Variants in PLAAT3 observed in about 807,000 individuals in gnomAD.
PLAAT3 encodes the protein Ca-independent phospholipase A1/2.
In PLAAT3, 21 loss-of-function variants were observed where a neutral mutation model predicts 16.7. That is an observed-to-expected ratio of 1.26 (90% CI 0.89 to 1.81). The LOEUF (loss-of-function observed/expected upper bound fraction) is 1.81, where lower values mean the gene tolerates loss of function less well. Ranked by LOEUF, PLAAT3 falls within the 40% of genes most tolerant of loss-of-function variation. The pLI, the probability that PLAAT3 is intolerant of heterozygous loss-of-function variation, is 0.00. For missense variants in PLAAT3, 219 were observed against 213.7 expected, an observed-to-expected ratio of 1.02 and a Z score of -0.16; for synonymous variants, 76 against 81.7, an observed-to-expected ratio of 0.93 and a Z score of 0.38.
chr11:63,615,891 C>T (rs1168914501), upstream of PLAAT3, among the ~76,000 whole-genome samples: 1 of 151,622 alleles, frequency 6.6e-6, no homozygotes, highest in Admixed American at 6.6e-5. Flanking sequence ...TGGTCACGAA[C>T]TCCTGGCCCC....
At position 63,601,713 on chromosome 11, in the gene PLAAT3, C is replaced by T. The variant is rs145135092; in HGVS notation, c.16-3550G>A. Among the ~76,000 whole-genome samples the T allele has an allele frequency of 9.3e-3, 1,413 of 152,262 alleles. 26 individuals carry two copies. The highest frequency in any genetic ancestry group is 0.032 in the African/African-American group (1,339 of 41,562). On this transcript the variant is annotated intron_variant, in intron 2 of 4. Coordinates refer to ENST00000415826, the MANE Select transcript of PLAAT3 (RefSeq NM_001128203.2). ...ATACATGGCCGGATGCAGTGGCTCA[C>T]GCCTGTAATCCCAACACTTTGGGAG...
chr11:63,588,081 T>A (rs1043854074), intron 4 of PLAAT3, among the ~76,000 whole-genome samples: 7 of 151,812 alleles, frequency 4.6e-5, no homozygotes, highest in African/African-American at 1.7e-4. Flanking sequence ...TAAAAAAAAT[T>A]TTTTTTGAGA....
chr11:63,612,201 G>A (rs929353034), intron 2 of PLAAT3, among the ~76,000 whole-genome samples: 1 of 152,052 alleles, frequency 6.6e-6, no homozygotes, highest in African/African-American at 2.4e-5. Flanking sequence ...TTTTAGAGAT[G>A]GGGTCTTGCT....
chr11:63,613,862 C>T, intron 2 of PLAAT3, 138 bp downstream of exon 2: 1 of 652,160 alleles, frequency 1.5e-6, no homozygotes, highest in Non-Finnish European at 2.7e-6. Context: ...GACACCGATG[C>T]CTCGCAGCTG....
At chr11:63,597,122 C>T (rs1938306852) in intron 3 of PLAAT3, among the ~76,000 whole-genome samples, 1 of 151,972 alleles carries the variant, frequency 6.6e-6, no homozygotes, top group East Asian at 1.9e-4. Flanking sequence ...TGGCACTCCC[C>T]CGCCTCCTGC....
chr11:63,576,187 C>T lies in PLAAT3; in HGVS notation c.388-1141G>A, dbSNP rs2017657154. 2.0e-5 allele frequency among the ~76,000 whole-genome samples: 3 copies of T among 152,278 alleles called. No homozygotes were observed. The South Asian group carries it at 6.2e-4, about 32-fold the overall frequency. ...CCAATACTGGGAATTCCCAAACAGC[C>T]CACCCAGATCATCCTGCAGTGCAAC... On this transcript the variant is annotated intron_variant, in intron 4 of 4. Transcript: ENST00000415826.
intron 2 of PLAAT3, among the ~76,000 whole-genome samples, chr11:63,613,581 G>T (rs1420259691): frequency 6.6e-6 from 1 of 152,226 alleles, no homozygotes; most frequent in African/African-American, 2.4e-5. Flanking sequence ...AGGCGGAAGG[G>T]GGGCAGTCGC....
intron 2 of PLAAT3, among the ~76,000 whole-genome samples, chr11:63,600,902 C>G (rs540965033): frequency 0.01 from 1,532 of 152,176 alleles, 12 homozygotes; most frequent in Non-Finnish European, 0.015. Flanking sequence ...CCACGCCCGG[C>G]CTACTCTTCT....
chr11:63,591,985 C>T (rs534788869), intron 3 of PLAAT3, among the ~76,000 whole-genome samples: 2 of 152,232 alleles, frequency 1.3e-5, no homozygotes, highest in South Asian at 2.1e-4. Flanking sequence ...TATCTAGATG[C>T]CACCCAGGAC....
At chr11:63,595,486 A>G (rs1156637514) in intron 3 of PLAAT3, among the ~76,000 whole-genome samples, 1 of 152,142 alleles carries the variant, frequency 6.6e-6, no homozygotes, top group African/African-American at 2.4e-5. Context: ...TGTTGGCTAA[A>G]AGAAGCCAGA....
chr11:63,574,739 G>A lies in PLAAT3; in HGVS notation c.*206C>T, dbSNP rs1363450117. On this transcript the variant is annotated 3_prime_UTR_variant, in exon 5 of 5. Coordinates refer to ENST00000415826, the MANE Select transcript of PLAAT3 (RefSeq NM_001128203.2). ...CAATCCCTGACCAGGAAGACAGCCC[G>A]GCTGTTCCCTGAACAGACTTCACAC... 2 of 552,672 alleles carry A rather than the reference G, an allele frequency of 3.6e-6. No homozygotes were observed. The highest frequency in any genetic ancestry group is 3.3e-5 in the Admixed American group (1 of 30,228). 34.2% of individuals were successfully genotyped at this position (552,672 alleles called of 1,614,324 possible).
At chr11:63,595,848 CAA>C (rs1270544154) in intron 3 of PLAAT3, among the ~76,000 whole-genome samples, 2 of 151,874 alleles carry the variant, frequency 1.3e-5, no homozygotes. Flanking sequence ...CCTCAGTTTG[CAA>C]AAAAGGAAAT....
intron 3 of PLAAT3, among the ~76,000 whole-genome samples, chr11:63,591,779 T>C (rs1470403382): frequency 2.0e-5 from 3 of 152,256 alleles, no homozygotes; most frequent in Non-Finnish European, 4.4e-5. Context: ...GGGTGCCTTA[T>C]TGGAGCCCTG....
chr11:63,582,757 T>A (rs770604190), intron 4 of PLAAT3, among the ~76,000 whole-genome samples: 1 of 152,202 alleles, frequency 6.6e-6, no homozygotes, highest in Non-Finnish European at 1.5e-5. Flanking sequence ...ATGGCCCAGA[T>A]AAGCCTCAGT....
chr11:63,607,906 G>T (rs1469664062), intron 2 of PLAAT3, among the ~76,000 whole-genome samples: 1 of 151,928 alleles, frequency 6.6e-6, no homozygotes, highest in Non-Finnish European at 1.5e-5. Context: ...TCCCAGGTGG[G>T]CCGGGCACAG....
intron 4 of PLAAT3, among the ~76,000 whole-genome samples, chr11:63,584,498 TTTTTTTTTTG>T (rs1464630961): frequency 4.1e-5 from 4 of 97,962 alleles, no homozygotes; most frequent in African/African-American, 1.9e-4. Flanking sequence ...AATCATAAAC[TTTTTTTTTTG>T]TTTTTTTTTG....
chr11:63,589,970 G>T, intron 4 of PLAAT3, 130 bp downstream of exon 4: 2 of 721,538 alleles, frequency 2.8e-6, no homozygotes, highest in Non-Finnish European at 4.3e-6. Context: ...TCCCAACTGT[G>T]ACATCCTCAA....
chr11:63,615,430 GTA>G (rs1172188241), upstream of PLAAT3, among the ~76,000 whole-genome samples: 10 of 75,586 alleles, frequency 1.3e-4, 2 homozygotes, highest in African/African-American at 3.9e-4. Context: ...GTGTGTGTGT[GTA>G]TATACACACC....
At chr11:63,581,173 T>C (rs1186884076) in intron 4 of PLAAT3, among the ~76,000 whole-genome samples, 1 of 152,162 alleles carries the variant, frequency 6.6e-6, no homozygotes, top group African/African-American at 2.4e-5. Context: ...ACGAAATCAG[T>C]GCACCCTGAA....
Sources: allele counts gnomAD v4.1 joint callset (sites outside exome capture counted in the v4.1 genomes callset), GRCh38; gene constraint gnomAD v4.1.1; transcripts MANE v1.5; gene names NCBI Gene and HGNC (gene_info 2026-07-23, HGNC 2026-07-21).